The following FRMD5 variants were observed in gnomAD, a reference collection of about 807,000 sequenced individuals.
FRMD5 encodes the protein FERM domain containing 5, also known as FERM domain-containing protein 5.
A neutral mutation model predicts 69.0 loss-of-function variants in FRMD5; 20 were observed. The observed-to-expected ratio is 0.29, with a 90% CI of 0.20 to 0.42. The LOEUF is 0.42. Among genes scored for constraint, FRMD5 ranks in the 10% least tolerant of loss-of-function variants. The pLI is 1.00. For missense variants in FRMD5, 595 were observed against 708.6 expected (o/e 0.84, Z 1.82); for synonymous variants, 271 against 260.1 (o/e 1.04, Z -0.40).
intron 1 of FRMD5, among the ~76,000 whole-genome samples, chr15:44,133,211 TC>T (rs1032962314): frequency 5.0e-5 from 7 of 141,074 alleles, no homozygotes; most frequent in South Asian, 2.2e-4. Context: ...AGACTCCGTC[TC>T]AAAAAAAAAA....
At chr15:43,933,111 G>T (rs1038594617) in intron 1 of FRMD5, among the ~76,000 whole-genome samples, 2 of 152,182 alleles carry the variant, frequency 1.3e-5, no homozygotes, top group East Asian at 3.8e-4. Flanking sequence ...CCCAGGAGAG[G>T]AGTGAGACAG....
intron 1 of FRMD5, among the ~76,000 whole-genome samples, chr15:43,945,115 T>C (rs1391405977): frequency 3.3e-5 from 5 of 152,222 alleles, no homozygotes; most frequent in African/African-American, 1.2e-4. Flanking sequence ...TGACACCAGA[T>C]AGGACATCTC....
At chr15:44,189,511 C>G (rs1360411603) in intron 1 of FRMD5, among the ~76,000 whole-genome samples, 1 of 146,274 alleles carries the variant, frequency 6.8e-6, no homozygotes, top group Non-Finnish European at 1.5e-5. Context: ...TTTTTTGGGA[C>G]AGAGTCTTGC....
rs1307935649 is a variant in FRMD5 at position 43,870,845 on chromosome 15, G to GA, written c.*3039dup. On this transcript the variant is annotated 3_prime_UTR_variant, in exon 14 of 14. Coordinates refer to ENST00000417257, the MANE Select transcript of FRMD5 (RefSeq NM_032892.5). ...ATGCTAACTACATACTGCATATGTA[G>GA]AAAAAAGTACATTGCTTTGAAGGAA... is the stretch of plus-strand genomic sequence containing the variant. 1 of 152,102 alleles carries GA rather than the reference G, an allele frequency of 6.6e-6. No individual in the cohort carries two copies. Among genetic ancestry groups the GA allele is most frequent in the Non-Finnish European group, 1.5e-5 (1 of 68,016 alleles). The allele number at this position is 152,102 out of a possible 1,614,324, so 9.4% of individuals were successfully genotyped here.
chr15:44,070,861 C>T (rs1187277402), intron 1 of FRMD5, among the ~76,000 whole-genome samples: 4 of 152,170 alleles, frequency 2.6e-5, no homozygotes, highest in African/African-American at 9.7e-5. Context: ...GTTGTTCCTT[C>T]GATTTTTGTC....
At chr15:44,062,968 G>A (rs1361400286) in intron 1 of FRMD5, among the ~76,000 whole-genome samples, 2 of 152,146 alleles carry the variant, frequency 1.3e-5, no homozygotes, top group African/African-American at 4.8e-5. Flanking sequence ...TTTCACTGAT[G>A]AATATATCTA....
At chr15:44,080,195 T>A (rs1475576938) in intron 1 of FRMD5, among the ~76,000 whole-genome samples, 1 of 152,136 alleles carries the variant, frequency 6.6e-6, no homozygotes, top group Non-Finnish European at 1.5e-5. Flanking sequence ...CTCCTTTAAT[T>A]TTGTTTGAAT....
chr15:43,957,327 C>T (rs1205560084), intron 1 of FRMD5, among the ~76,000 whole-genome samples: 1 of 152,176 alleles, frequency 6.6e-6, no homozygotes, highest in East Asian at 1.9e-4. Flanking sequence ...TCCCAAGTAA[C>T]TGGGATTACA....
intron 7 of FRMD5, among the ~76,000 whole-genome samples, chr15:43,899,003 A>C (rs1473835336): frequency 2.0e-5 from 3 of 152,242 alleles, no homozygotes; most frequent in African/African-American, 7.2e-5. Flanking sequence ...AGCCTAAGCT[A>C]GAGCGTTGTT....
chr15:44,064,576 T>A (rs1273141441), intron 1 of FRMD5, among the ~76,000 whole-genome samples: 2 of 151,880 alleles, frequency 1.3e-5, no homozygotes, highest in Non-Finnish European at 2.9e-5. Flanking sequence ...GCGACAAGAG[T>A]GAACTCTGTC....
chr15:44,084,818 T>C (rs984216205), intron 1 of FRMD5, among the ~76,000 whole-genome samples: 1 of 152,096 alleles, frequency 6.6e-6, no homozygotes, highest in Non-Finnish European at 1.5e-5. Context: ...ATATCTCTAG[T>C]GAAAAACTGA....
chr15:43,921,448 T>C (rs1469193917), intron 2 of FRMD5, among the ~76,000 whole-genome samples: 3 of 152,186 alleles, frequency 2.0e-5, no homozygotes, highest in Non-Finnish European at 2.9e-5. Flanking sequence ...AGTTTTATTG[T>C]AGTGAGAGCT....
intron 1 of FRMD5, among the ~76,000 whole-genome samples, chr15:44,172,294 C>G (rs945089476): frequency 7.9e-6 from 1 of 127,096 alleles, no homozygotes; most frequent in Admixed American, 8.1e-5. Flanking sequence ...TTTTTAATTT[C>G]TGAGGGACAG....
intron 1 of FRMD5, among the ~76,000 whole-genome samples, chr15:44,145,127 T>C (rs759985339): frequency 7.2e-5 from 11 of 152,346 alleles, no homozygotes; most frequent in Non-Finnish European, 1.5e-4. Context: ...TTTTTGCTCC[T>C]GATGCTGCTT....
intron 10 of FRMD5, 35 bp from the exon 11 acceptor site, chr15:43,885,790 C>T (rs1032432814): frequency 6.5e-6 from 10 of 1,546,914 alleles, no homozygotes; most frequent in Non-Finnish European, 8.9e-6. Context: ...GATAGACAGC[C>T]TGAACTGCCT....
rs552355580 is a variant in FRMD5 at position 43,936,380 on chromosome 15, G to C, written c.103-12071C>G. ...TTAATTTTTAAAGTTTCTGAAGAGGGGGGTCTCCCTATGTTGCCCAGGCTG... is the reference window on the plus strand; with the variant it reads ...TTAATTTTTAAAGTTTCTGAAGAGGCGGGTCTCCCTATGTTGCCCAGGCTG... On this transcript the variant is annotated intron_variant, in intron 1 of 13. Coordinates refer to ENST00000417257, the MANE Select transcript of FRMD5 (RefSeq NM_032892.5). Among the ~76,000 whole-genome samples the C allele has an allele frequency of 3.3e-5, 5 of 152,188 alleles. No homozygotes were observed. In the South Asian group the frequency reaches 1.0e-3, roughly 32 times the overall value.
intron 1 of FRMD5, among the ~76,000 whole-genome samples, chr15:43,993,775 T>A (rs748959930): frequency 4.6e-5 from 7 of 152,242 alleles, no homozygotes; most frequent in Admixed American, 6.5e-5. Context: ...TGTTGGTGCA[T>A]CTATATGTAT....
At chr15:44,041,269 T>C (rs1295417712) in intron 1 of FRMD5, among the ~76,000 whole-genome samples, 1 of 152,150 alleles carries the variant, frequency 6.6e-6, no homozygotes, top group Non-Finnish European at 1.5e-5. Flanking sequence ...TAACACCCAC[T>C]GTCAACACAA....
chr15:44,188,438 C>T (rs528588208), intron 1 of FRMD5, among the ~76,000 whole-genome samples: 226 of 152,344 alleles, frequency 1.5e-3, no homozygotes, highest in African/African-American at 5.3e-3. Context: ...ATTTTACCTA[C>T]TAAATATCTC....
Sources: gnomAD v4.1 joint callset for allele counts (sites outside exome capture counted in the v4.1 genomes callset) on GRCh38, gnomAD v4.1.1 for gene constraint, MANE v1.5 for transcripts, NCBI Gene and HGNC (gene_info 2026-07-23, HGNC 2026-07-21) for gene names.